Variants in MACROD2 observed in about 807,000 individuals in gnomAD.
MACROD2 encodes the protein mono-ADP ribosylhydrolase 2.
In MACROD2, 36 loss-of-function variants were observed where a neutral mutation model predicts 70.4. The observed-to-expected ratio is 0.51, with a 90% CI of 0.39 to 0.68. The LOEUF (loss-of-function observed/expected upper bound fraction) is 0.68. Among genes scored for constraint, MACROD2 ranks in the 30% least tolerant of loss-of-function variants. The pLI, the probability that MACROD2 is intolerant of heterozygous loss-of-function variation, is 0.00. For synonymous variants in MACROD2, 172 were observed against 178.8 expected (o/e 0.96, Z 0.30); for missense variants, 496 against 538.4 (o/e 0.92, Z 0.78).
At chr20:14,584,415 T>A (rs1306178129) in intron 4 of MACROD2, among the ~76,000 whole-genome samples, 1 of 152,170 alleles carries the variant, frequency 6.6e-6, no homozygotes, top group African/African-American at 2.4e-5. Context: ...TTGTCACGAT[T>A]CTGGAGGCTG....
intron 5 of MACROD2, among the ~76,000 whole-genome samples, chr20:14,690,548 G>T (rs968512250): frequency 3.9e-5 from 6 of 152,178 alleles, no homozygotes; most frequent in African/African-American, 1.4e-4. Flanking sequence ...TTCCTATGAG[G>T]AGGTGACGTG....
chr20:14,461,671 A>G (rs1273363473), intron 3 of MACROD2, among the ~76,000 whole-genome samples: 1 of 149,454 alleles, frequency 6.7e-6, no homozygotes, highest in Non-Finnish European at 1.5e-5. Context: ...CCACCCCACA[A>G]CAGTCCCCGG....
chr20:15,589,751 T>C (rs904596971), intron 8 of MACROD2, among the ~76,000 whole-genome samples: 7 of 152,222 alleles, frequency 4.6e-5, no homozygotes, highest in African/African-American at 1.7e-4. Flanking sequence ...TTTTCCAGAA[T>C]GTCATATAGT....
At chr20:14,257,194 C>T (rs1032703274) in intron 3 of MACROD2, among the ~76,000 whole-genome samples, 3 of 152,134 alleles carry the variant, frequency 2.0e-5, no homozygotes, top group Non-Finnish European at 2.9e-5. Context: ...CCTCCCATGA[C>T]GATGATGATT....
intron 6 of MACROD2, among the ~76,000 whole-genome samples, chr20:15,339,331 C>T (rs1412125158): frequency 6.6e-6 from 1 of 151,712 alleles, no homozygotes. Context: ...AAAGTATTGA[C>T]AGGTGGATTG....
intron 5 of MACROD2, among the ~76,000 whole-genome samples, chr20:15,147,501 A>AT (rs1361547090): frequency 1.4e-4 from 20 of 146,730 alleles, no homozygotes; most frequent in Admixed American, 2.1e-4. Context: ...ATTCCAACAG[A>AT]TTTTTTTTCC....
intron 3 of MACROD2, among the ~76,000 whole-genome samples, chr20:14,189,261 A>G (rs1004270789): frequency 2.0e-5 from 3 of 152,198 alleles, no homozygotes; most frequent in African/African-American, 7.2e-5. Flanking sequence ...CACATTTCTG[A>G]GAAGATAAAT....
chr20:14,553,542 T>C (rs890600514), intron 4 of MACROD2, among the ~76,000 whole-genome samples: 20 of 152,136 alleles, frequency 1.3e-4, no homozygotes, highest in South Asian at 4.2e-4. Context: ...TTGTATGTAC[T>C]ATACTTTTGT....
At chr20:14,713,941 A>T (rs1251900899) in intron 5 of MACROD2, among the ~76,000 whole-genome samples, 1 of 152,280 alleles carries the variant, frequency 6.6e-6, no homozygotes. Flanking sequence ...TTAGACAGGG[A>T]GAACAGAGGT....
chr20:14,066,805 A>ATTTTTTTTTTTTTTTTTTTTT (rs34648174), intron 2 of MACROD2, among the ~76,000 whole-genome samples: 1 of 104,108 alleles, frequency 9.6e-6, no homozygotes, highest in Non-Finnish European at 1.9e-5. Context: ...TGTTTTAGTG[A>ATTTTTTTTTTTTTTTTTTTTT]TTTTTTTTTT....
At chr20:15,877,921 A>G (rs75513458) in intron 9 of MACROD2, among the ~76,000 whole-genome samples, 7,239 of 152,176 alleles carry the variant, frequency 0.048, 355 homozygotes, top group East Asian at 0.24. Flanking sequence ...TGAAAATTTG[A>G]CAAGGGAATT....
intron 4 of MACROD2, among the ~76,000 whole-genome samples, chr20:14,495,641 A>G (rs909810642): frequency 1.3e-5 from 2 of 152,070 alleles, no homozygotes; most frequent in Non-Finnish European, 1.5e-5. Context: ...ATATGTATGT[A>G]TTGTTGGTGT....
At chr20:15,947,073 G>A (rs374103384) in intron 12 of MACROD2, among the ~76,000 whole-genome samples, 1 of 152,136 alleles carries the variant, frequency 6.6e-6, no homozygotes, top group Non-Finnish European at 1.5e-5. Flanking sequence ...AACGTGTCTC[G>A]ACTCCCGCCA....
rs77852661 is a variant in MACROD2, at chr20:14,442,634, C to T, written c.272-50845C>T. On this transcript the variant is annotated intron_variant, in intron 3 of 17. Coordinates refer to ENST00000684519, the MANE Select transcript of MACROD2 (RefSeq NM_001351661.2). ...CAGCTGCCTTCACACTGGATTCTTG[C>T]TGGAACTTTCACTCCCCAATTCCTA... is the stretch of plus-strand genomic sequence containing the variant. 2.2e-3 allele frequency among the ~76,000 whole-genome samples: 328 copies of T among 152,156 alleles called. 2 individuals carry two copies. Among genetic ancestry groups the T allele is most frequent in the African/African-American group, 7.3e-3 (302 of 41,466 alleles).
At chr20:14,795,171 T>A (rs1047656326) in intron 5 of MACROD2, among the ~76,000 whole-genome samples, 3 of 152,008 alleles carry the variant, frequency 2.0e-5, no homozygotes, top group Non-Finnish European at 2.9e-5. Context: ...CAGTAAACAG[T>A]TGGGATTTTA....
At chr20:15,619,381 A>G (rs1215881566) in intron 8 of MACROD2, 2 of 208,366 alleles carry the variant, frequency 9.6e-6, no homozygotes, top group Non-Finnish European at 1.0e-5. Context: ...GGAGTTGGTT[A>G]AGTCAGATCT....
At position 15,714,089 on chromosome 20, in the gene MACROD2, T is replaced by C. The variant is rs184899441; in HGVS notation, c.646-148656T>C. The stretch of plus-strand genomic sequence containing the variant: ...TATAACCATGCCCCACCAGAAATTC[T>C]ACCTGGCCCTAAATTAGTGTGTTTA... On this transcript the variant is annotated intron_variant, in intron 8 of 17. Transcript: ENST00000684519. Among the ~76,000 whole-genome samples the C allele has an allele frequency of 1.5e-3, 229 of 151,924 alleles. 2 individuals carry two copies. Among genetic ancestry groups the C allele is most frequent in the African/African-American group, 5.1e-3 (213 of 41,416 alleles).
intron 4 of MACROD2, among the ~76,000 whole-genome samples, chr20:14,616,296 C>T (rs1983472376): frequency 6.6e-6 from 1 of 152,136 alleles, no homozygotes; most frequent in Non-Finnish European, 1.5e-5. Context: ...AGTGTTTTCA[C>T]TTTCTAGCCA....
At chr20:14,340,948 T>G (rs2083006632) in intron 3 of MACROD2, among the ~76,000 whole-genome samples, 1 of 152,184 alleles carries the variant, frequency 6.6e-6, no homozygotes, top group African/African-American at 2.4e-5. Flanking sequence ...GTTCTGCCAT[T>G]TACTTGTATA....
Sources: gnomAD v4.1 joint callset for allele counts (sites outside exome capture counted in the v4.1 genomes callset) on GRCh38, gnomAD v4.1.1 for gene constraint, MANE v1.5 for transcripts, NCBI Gene and HGNC (gene_info 2026-07-23, HGNC 2026-07-21) for gene names.